CHD8: variants seen among roughly 807,000 people sequenced by gnomAD.
CHD8 encodes ATP-dependent chromatin remodeler CHD8.
Under a neutral mutation model 279.2 loss-of-function variants are expected in CHD8, and 31 were observed. The observed-to-expected ratio is 0.11, with a 90% confidence interval of 0.08 to 0.15. CHD8 has a LOEUF of 0.15. Ranked by LOEUF, CHD8 falls within the 10% of genes least tolerant of loss-of-function variation. CHD8 has a pLI of 1.00. For missense variants in CHD8, 2,146 were observed against 3,230.5 expected (o/e 0.66, Z 8.14); for synonymous variants, 1,081 against 1,139.6 (o/e 0.95, Z 1.04).
chr14:21,404,171 G>A (rs2139471810), intron 16 of CHD8, among the ~76,000 whole-genome samples: 1 of 151,996 alleles, frequency 6.6e-6, no homozygotes, highest in South Asian at 2.1e-4. Flanking sequence ...ACCGAAGCGG[G>A]CAGATCACCT....
At chr14:21,437,229 C>T in intron 1 of CHD8, 1 of 1,185,906 alleles carries the variant, frequency 8.4e-7, no homozygotes, top group Non-Finnish European at 1.1e-6. Context: ...CGCCCCTCTC[C>T]CTGTCTCTCC....
chr14:21,385,636 A>AG lies in CHD8; in HGVS notation c.7722dup (p.Ser2575LeufsTer3). The AG allele has an allele frequency of 6.4e-7, 1 of 1,551,754 alleles. No homozygotes were observed. Among genetic ancestry groups the AG allele is most frequent in the Non-Finnish European group, 8.7e-7 (1 of 1,146,934 alleles). On this transcript the variant is annotated frameshift_variant, in exon 38 of 38. Transcript: ENST00000646647. LOFTEE classifies it high-confidence loss of function. ...CTTCAGTCATCAGCATCTTCACTGG[A>AG]GTCTGAGTTAGCTGGCATCATAGGA...
chr14:21,429,004 T>C lies in CHD8; in HGVS notation c.1175A>G (p.Gln392Arg). Residue 392 changes from glutamine (Q) to arginine (R), a missense_variant, in exon 3 of 38, where the codon CAA becomes CGA. This residue lies in a region of CHD8 where 170 missense variants were observed against 189.9 expected (regional missense o/e 0.90). Coordinates refer to ENST00000646647, the MANE Select transcript of CHD8 (RefSeq NM_001170629.2). ...CACCTTGACTGGTACTGAAAGTCTT[T>C]GTCCTGGGCTTTGTCCTGGTCCCAT... ...QIMGPGQSPG[Q>R]RLSVPVKVVL... The C allele has an allele frequency of 1.2e-6, 2 of 1,614,026 alleles. No homozygotes were observed. The highest frequency in any genetic ancestry group is 1.1e-5 in the South Asian group (1 of 91,090).
chr14:21,412,902 C>T lies in CHD8; in HGVS notation c.2226+11G>A. ...AGGATGTTCACGTTACTCCATGCCT[C>T]AACAACTCACCTCCCCATTGTCCTT... is the stretch of plus-strand genomic sequence containing the variant. On this transcript the variant is annotated intron_variant, in intron 10 of 37. Coordinates refer to ENST00000646647, the MANE Select transcript of CHD8 (RefSeq NM_001170629.2). 1 of 1,557,144 alleles carries T rather than the reference C, an allele frequency of 6.4e-7. No individual in the cohort carries two copies. The highest frequency in any genetic ancestry group is 8.9e-7 in the Non-Finnish European group (1 of 1,128,664).
chr14:21,402,164 G>C lies in CHD8; in HGVS notation c.3883-28C>G. The C allele has an allele frequency of 6.5e-7, 1 of 1,544,556 alleles. No homozygotes were observed. Among genetic ancestry groups the C allele is most frequent in the Non-Finnish European group, 8.8e-7 (1 of 1,138,428 alleles). On this transcript the variant is annotated intron_variant, in intron 19 of 37. Coordinates refer to ENST00000646647, the MANE Select transcript of CHD8 (RefSeq NM_001170629.2). The surrounding 1 kb of genome is among the most constrained non-coding windows in gnomAD (Gnocchi z 4.5). ...GTAAAAACCAATAGAAAGATGAAAAGACTATCAAGAGAATAATATCTAACC... is the reference window on the plus strand; with the variant it reads ...GTAAAAACCAATAGAAAGATGAAAACACTATCAAGAGAATAATATCTAACC...
rs1212438664 is a variant in CHD8 at position 21,386,002 on chromosome 14, C to T, written c.7357G>A (p.Gly2453Ser). 2 of 1,589,380 alleles carry T rather than the reference C, an allele frequency of 1.3e-6. No individual in the cohort carries two copies. The highest frequency in any genetic ancestry group is 1.8e-5 in the Admixed American group (1 of 56,490). ...LHNTFQHSSSGLQSVSSLGHS... is the reference protein window; with the variant it reads ...LHNTFQHSSSSLQSVSSLGHS... Reference sequence around the variant, plus strand: ...CCCAAAGATGACACAGACTGTAGGCCACTACTGCTGTGTTGGAACGTGTTA... The same window carrying T: ...CCCAAAGATGACACAGACTGTAGGCTACTACTGCTGTGTTGGAACGTGTTA... The change falls in exon 38 of 38, where the codon GGC becomes AGC. Residue 2453 changes from glycine (G) to serine (S), a missense_variant. By Grantham distance (56) the Gly-to-Ser change is moderately conservative (BLOSUM62 0). Around this residue, in one of 26 missense-constraint regions of CHD8, gnomAD observed 336 missense variants for 392.9 expected, o/e 0.86. Coordinates refer to ENST00000646647, the MANE Select transcript of CHD8 (RefSeq NM_001170629.2).
At chr14:21,409,411 C>T (rs1221458519) in intron 11 of CHD8, among the ~76,000 whole-genome samples, 2 of 152,128 alleles carry the variant, frequency 1.3e-5, no homozygotes, top group African/African-American at 4.8e-5. Flanking sequence ...GACATATTAA[C>T]TGATAGCAAT....
intron 1 of CHD8, among the ~76,000 whole-genome samples, chr14:21,446,397 T>C (rs972271728): frequency 1.7e-4 from 25 of 150,258 alleles, no homozygotes; most frequent in Admixed American, 4.0e-4. Flanking sequence ...CTGCAACCTC[T>C]GTCTCCCAGG....
chr14:21,406,633 C>A (rs1480884758), intron 14 of CHD8, among the ~76,000 whole-genome samples: 1 of 152,156 alleles, frequency 6.6e-6, no homozygotes, highest in African/African-American at 2.4e-5. Flanking sequence ...TAATAGGTAA[C>A]CAATATAGTT....
intron 10 of CHD8, 116 bp downstream of exon 10, chr14:21,412,797 A>C: frequency 1.5e-6 from 1 of 688,770 alleles, no homozygotes; most frequent in Non-Finnish European, 2.6e-6. Flanking sequence ...AAAAATTTAG[A>C]AATACCTTTT....
chr14:21,437,380 C>CT lies in CHD8; in HGVS notation c.-215-5523dup, dbSNP rs1416233514. ...AAAGGGTGGGACTATAAGGAGCTCC[C>CT]TTCCCCCTCCCCCGCAGGTTAGGTT... On this transcript the variant is annotated intron_variant, in intron 1 of 37. Coordinates refer to ENST00000646647, the MANE Select transcript of CHD8 (RefSeq NM_001170629.2). 7.9e-6 allele frequency: 4 copies of CT among 508,120 alleles called. No individual in the cohort carries two copies. In the African/African-American group the frequency reaches 8.3e-5, roughly 10 times the overall value. 31.5% of individuals were successfully genotyped at this position (508,120 alleles called of 1,614,324 possible). A position where few individuals can be genotyped will look rare whatever the true frequency, so the allele number is the denominator to read the frequency against.
intron 1 of CHD8, among the ~76,000 whole-genome samples, chr14:21,434,611 C>T (rs1269272947): frequency 6.6e-6 from 1 of 152,040 alleles, no homozygotes; most frequent in Non-Finnish European, 1.5e-5. Context: ...TCTCCCTTCC[C>T]AATTTTCGAA....
chr14:21,390,039 A>G (rs1167885787), intron 37 of CHD8, among the ~76,000 whole-genome samples: 1 of 152,080 alleles, frequency 6.6e-6, no homozygotes, highest in South Asian at 2.1e-4. Flanking sequence ...GTTCCAGAGC[A>G]GCTTGGCCAA....
At chr14:21,421,100 T>C (rs1424581639) in intron 5 of CHD8, among the ~76,000 whole-genome samples, 2 of 152,056 alleles carry the variant, frequency 1.3e-5, no homozygotes, top group Non-Finnish European at 2.9e-5. Flanking sequence ...AAATGGCAAA[T>C]GGTCCAGTTA....
chr14:21,386,359 T>G, intron 37 of CHD8, 183 bp from the exon 38 acceptor site: 1 of 602,672 alleles, frequency 1.7e-6, no homozygotes, highest in South Asian at 2.2e-5. Context: ...TGGACTTAGC[T>G]GGTTGAAACA....
chr14:21,397,933 G>A lies in CHD8; in HGVS notation c.4941C>T (p.Thr1647=), dbSNP rs371520283. The A allele has an allele frequency of 1.8e-5, 29 of 1,608,970 alleles. No homozygotes were observed. In the African/African-American group the frequency reaches 3.7e-4, roughly 21 times the overall value. ...AACATAAGGCTGGGTCTGCCCTCAT[G>A]GTATTATATTTCTCATAGCCTAGAA... ...VFKHGYEKYN[T]MRADPALCFL... The change falls in exon 27 of 38, where the codon ACC becomes ACT. Residue 1647 remains threonine (T), a synonymous_variant. Coordinates refer to ENST00000646647, the MANE Select transcript of CHD8 (RefSeq NM_001170629.2).
intron 37 of CHD8, among the ~76,000 whole-genome samples, chr14:21,387,581 C>T (rs1887313873): frequency 7.0e-6 from 1 of 143,790 alleles, no homozygotes; most frequent in African/African-American, 2.6e-5. Context: ...TCGCGGTGAG[C>T]AGAGATCACG....
chr14:21,426,055 C>T (rs888697688), intron 5 of CHD8, 73 bp downstream of exon 5: 1 of 890,766 alleles, frequency 1.1e-6, no homozygotes, highest in Non-Finnish European at 1.8e-6. Context: ...TACGATTTCT[C>T]AATATCTGCT....
chr14:21,407,338 A>G (rs550837108), intron 13 of CHD8, among the ~76,000 whole-genome samples: 3 of 152,304 alleles, frequency 2.0e-5, no homozygotes, highest in South Asian at 2.1e-4. Context: ...TTGATTAACA[A>G]TGAAATCCAC....
Sources: gnomAD v4.1 joint callset for allele counts (sites outside exome capture counted in the v4.1 genomes callset) on GRCh38, gnomAD v4.1.1 for gene constraint, gnomAD v4.1.1 regional missense constraint, Gnocchi (gnomAD v3.1) non-coding constraint, MANE v1.5 for transcripts, NCBI Gene and HGNC (gene_info 2026-07-23, HGNC 2026-07-21) for gene names.